NCOA7: variants seen among roughly 807,000 people sequenced by gnomAD.
The protein encoded by NCOA7 is nuclear receptor coactivator 7.
NCOA7 carries 45 observed loss-of-function variants against 104.3 expected under a neutral mutation model. The observed-to-expected ratio is 0.43, with a 90% CI of 0.34 to 0.55. The LOEUF (loss-of-function observed/expected upper bound fraction) is 0.55, where lower values mean the gene tolerates loss of function less well. Among genes scored for constraint, NCOA7 ranks in the 20% least tolerant of loss-of-function variants. NCOA7 has a pLI of 0.02. For synonymous variants in NCOA7, 398 were observed against 402.3 expected (o/e 0.99, Z 0.13); for missense variants, 1,041 against 1,119.7 (o/e 0.93, Z 1.00).
intron 10 of NCOA7, among the ~76,000 whole-genome samples, chr6:125,898,133 T>C (rs1785201244): frequency 6.6e-6 from 1 of 152,232 alleles, no homozygotes; most frequent in Admixed American, 6.5e-5. Context: ...TTTTTCTTTT[T>C]CTAAACTATT....
chr6:125,912,895 T>C (rs1786713256), intron 10 of NCOA7, among the ~76,000 whole-genome samples: 3 of 152,216 alleles, frequency 2.0e-5, no homozygotes. Context: ...CTATGGGGCT[T>C]GGGGTAGACA....
intron 1 of NCOA7, among the ~76,000 whole-genome samples, chr6:125,798,489 G>A (rs1469901665): frequency 1.3e-5 from 2 of 152,110 alleles, no homozygotes; most frequent in African/African-American, 4.8e-5. Flanking sequence ...ATTATCAAGG[G>A]TGTTACTGTA....
intron 1 of NCOA7, among the ~76,000 whole-genome samples, chr6:125,792,005 T>TTAGGTATAGAGATTTGGAGAAGTG (rs1491382329): frequency 1.3e-5 from 2 of 148,432 alleles, no homozygotes; most frequent in African/African-American, 5.2e-5. Context: ...TTATAGTCAC[T>TTAGGTATAGAGATTTGGAGAAGTG]TAGGTATAGA....
intron 2 of NCOA7, among the ~76,000 whole-genome samples, chr6:125,838,232 G>A (rs1562873339): frequency 6.6e-6 from 1 of 152,154 alleles, no homozygotes; most frequent in Non-Finnish European, 1.5e-5. Flanking sequence ...TGAGGTCACG[G>A]AAAGAATGGG....
intron 2 of NCOA7, among the ~76,000 whole-genome samples, chr6:125,831,169 C>T (rs1779155045): frequency 6.6e-6 from 1 of 152,168 alleles, no homozygotes; most frequent in African/African-American, 2.4e-5. Flanking sequence ...TAACCGAATT[C>T]TCTAGTCCAG....
At chr6:125,790,931 T>A, upstream of NCOA7, 1 of 150,278 alleles carries the variant, frequency 6.7e-6, no homozygotes, top group Non-Finnish European at 1.5e-5. Flanking sequence ...CGGCGTACGG[T>A]CCTCCCCTGA....
At chr6:125,906,896 G>T (rs934866214) in intron 10 of NCOA7, among the ~76,000 whole-genome samples, 1 of 152,070 alleles carries the variant, frequency 6.6e-6, no homozygotes, top group Admixed American at 6.6e-5. Context: ...TAACCTAGAA[G>T]GAAAAACTAT....
chr6:125,805,312 C>G (rs1412791324), intron 1 of NCOA7, among the ~76,000 whole-genome samples: 6 of 151,892 alleles, frequency 4.0e-5, no homozygotes, highest in Non-Finnish European at 7.4e-5. Context: ...TCAGGGTGGC[C>G]TCGAACTCCT....
chr6:125,913,694 G>GT (rs1786792596), intron 10 of NCOA7: 11 of 974,736 alleles, frequency 1.1e-5, no homozygotes, highest in Non-Finnish European at 1.3e-5. Context: ...AAGAAAATTG[G>GT]TAAGTCTGTA....
chr6:125,915,993 G>T (rs780331676), intron 11 of NCOA7, among the ~76,000 whole-genome samples: 55 of 152,120 alleles, frequency 3.6e-4, no homozygotes, highest in Non-Finnish European at 5.1e-4. Context: ...ACAAAAACAG[G>T]TGGTAGACTG....
Position 125,863,537 on chromosome 6 carries a change from A to G in NCOA7, c.271+8297A>G, listed in dbSNP as rs1447842258. Among the ~76,000 whole-genome samples the G allele has an allele frequency of 3.6e-5, 5 of 138,524 alleles. 1 individual carries two copies. Among genetic ancestry groups the G allele is most frequent in the Non-Finnish European group, 7.7e-5 (5 of 65,038 alleles). The allele number at this position is 138,524 out of a possible 152,430, so 90.9% of individuals were successfully genotyped here. ...GGTTTGGGCTGAGGGAAAGATAACA[A>G]ATAAACTAAGTACAGTCAGGGGTTT... is the stretch of plus-strand genomic sequence containing the variant. On this transcript the variant is annotated intron_variant, in intron 3 of 15. Transcript: ENST00000392477.
chr6:125,856,283 C>G lies in NCOA7; in HGVS notation c.271+1043C>G, dbSNP rs143361254. 5.3e-4 allele frequency among the ~76,000 whole-genome samples: 81 copies of G among 152,212 alleles called. 1 individual carries two copies. The highest frequency in any genetic ancestry group is 1.9e-3 in the African/African-American group (78 of 41,538). On this transcript the variant is annotated intron_variant, in intron 3 of 15. Transcript: ENST00000392477. Reference sequence around the variant, plus strand: ...GAAATGACACTCGTTCTGGGCCACCCTCAACTTGGTCCTCATTAATACCAA... The same window carrying G: ...GAAATGACACTCGTTCTGGGCCACCGTCAACTTGGTCCTCATTAATACCAA...
At chr6:125,853,423 T>G (rs1051686633) in intron 2 of NCOA7, among the ~76,000 whole-genome samples, 1 of 152,214 alleles carries the variant, frequency 6.6e-6, no homozygotes, top group Non-Finnish European at 1.5e-5. Context: ...TTGCTCTGGC[T>G]AGGACTTCCA....
At chr6:125,813,513 G>A (rs1777267594) in intron 1 of NCOA7, among the ~76,000 whole-genome samples, 1 of 150,558 alleles carries the variant, frequency 6.6e-6, no homozygotes, top group Non-Finnish European at 1.5e-5. Context: ...GTGCAATGGA[G>A]TGGTCTCGGC....
At chr6:125,847,442 G>A (rs141112048) in intron 2 of NCOA7, among the ~76,000 whole-genome samples, 20 of 152,274 alleles carry the variant, frequency 1.3e-4, no homozygotes, top group African/African-American at 4.8e-4. Context: ...ATTGAGCAAT[G>A]CCATACAAGG....
At chr6:125,881,736 G>A (rs2326240) in intron 6 of NCOA7, among the ~76,000 whole-genome samples, 107,046 of 145,870 alleles carry the variant, frequency 0.73, 39,971 homozygotes, top group African/African-American at 0.88. Flanking sequence ...TAAATTTCCA[G>A]TGACATGGAT....
intron 1 of NCOA7, among the ~76,000 whole-genome samples, chr6:125,782,551 G>A (rs899223789): frequency 2.6e-5 from 4 of 152,044 alleles, no homozygotes; most frequent in South Asian, 2.1e-4. Flanking sequence ...TAGTTGTCAC[G>A]TATCTGTAGT....
intron 10 of NCOA7, among the ~76,000 whole-genome samples, chr6:125,905,103 A>G (rs920407615): frequency 1.3e-5 from 2 of 152,206 alleles, no homozygotes; most frequent in African/African-American, 2.4e-5. Flanking sequence ...TGGTTCATCC[A>G]GACCACAGCG....
At chr6:125,927,362 A>C (rs1005977056) in intron 13 of NCOA7, among the ~76,000 whole-genome samples, 14 of 152,228 alleles carry the variant, frequency 9.2e-5, no homozygotes, top group African/African-American at 3.1e-4. Context: ...ATTTGTCTCC[A>C]TAGTGAACTT....
Sources: allele counts gnomAD v4.1 joint callset (sites outside exome capture counted in the v4.1 genomes callset), GRCh38; gene constraint gnomAD v4.1.1; transcripts MANE v1.5; gene names NCBI Gene and HGNC (gene_info 2026-07-23, HGNC 2026-07-21).